Variants in VRK1 observed in about 807,000 individuals in gnomAD.
The protein encoded by VRK1 is VRK serine/threonine kinase 1.
A neutral mutation model predicts 57.1 loss-of-function variants in VRK1; 33 were observed. The ratio of observed to expected loss-of-function variants is 0.58; its 90% CI spans 0.44 to 0.77. The LOEUF is 0.77. Ranked by LOEUF, VRK1 falls within the 30% of genes least tolerant of loss-of-function variation. The pLI is 0.00. For missense variants in VRK1, 413 were observed against 477.3 expected (o/e 0.87, Z 1.25); for synonymous variants, 137 against 147.8 (o/e 0.93, Z 0.53).
intron 7 of VRK1, among the ~76,000 whole-genome samples, chr14:96,855,009 A>C (rs770189460): frequency 1.3e-4 from 20 of 152,246 alleles, no homozygotes; most frequent in Non-Finnish European, 2.5e-4. Context: ...CACTGTAGCT[A>C]TGTGGTCATT....
intron 1 of VRK1, among the ~76,000 whole-genome samples, chr14:96,805,566 G>A (rs950598971): frequency 6.6e-6 from 1 of 151,656 alleles, no homozygotes; most frequent in Non-Finnish European, 1.5e-5. Flanking sequence ...GCTTTCTTTT[G>A]TGCATTTAAA....
intron 1 of VRK1, among the ~76,000 whole-genome samples, chr14:96,818,082 A>G (rs1044723123): frequency 2.0e-5 from 3 of 152,150 alleles, no homozygotes; most frequent in East Asian, 1.9e-4. Flanking sequence ...TCTACCTACT[A>G]TCTCAAAAGT....
intron 10 of VRK1, among the ~76,000 whole-genome samples, chr14:96,857,579 G>A (rs1452572095): frequency 6.6e-6 from 1 of 152,156 alleles, no homozygotes; most frequent in Non-Finnish European, 1.5e-5. Context: ...TTCTGGCATG[G>A]GGATGGACTG....
chr14:96,855,339 A>G lies in VRK1; in HGVS notation c.692A>G (p.Asp231Gly), dbSNP rs757917768. The change falls in exon 8 of 13, where the codon GAT becomes GGT. Residue 231 changes from aspartate (D) to glycine (G), a missense_variant. Around this residue, in one of 3 missense-constraint regions of VRK1, gnomAD observed 151 missense variants for 225.5 expected, o/e 0.67. Coordinates refer to ENST00000216639, the MANE Select transcript of VRK1 (RefSeq NM_003384.3). ...GGCACTATTGAATTCACGAGCATCGATGCACACAATGGCGTGGGTATGTCA... is the reference window on the plus strand; with the variant it reads ...GGCACTATTGAATTCACGAGCATCGGTGCACACAATGGCGTGGGTATGTCA... ...HDGTIEFTSI[D>G]AHNGVAPSRR... 6.2e-7 allele frequency: 1 copy of G among 1,614,100 alleles called. No homozygotes were observed. The highest frequency in any genetic ancestry group is 1.1e-5 in the South Asian group (1 of 91,084).
chr14:96,799,086 G>C (rs553600848), intron 1 of VRK1, among the ~76,000 whole-genome samples: 24 of 152,262 alleles, frequency 1.6e-4, no homozygotes, highest in Middle Eastern at 6.8e-3. Context: ...ATGTCTTCTT[G>C]TTATGTTCAG....
At chr14:96,833,754 C>G in intron 2 of VRK1, 123 bp downstream of exon 2, 1 of 1,405,850 alleles carries the variant, frequency 7.1e-7, no homozygotes, top group Admixed American at 1.8e-5. Flanking sequence ...TTAATAGTTT[C>G]TGATTAAGCA....
At chr14:96,881,117 G>C (rs1889241958) in intron 12 of VRK1, 60 bp from the exon 13 acceptor site, 2 of 1,347,020 alleles carry the variant, frequency 1.5e-6, no homozygotes, top group Non-Finnish European at 2.1e-6. Context: ...TTATATTTCT[G>C]TTCTTTTGCT....
chr14:96,860,826 A>T (rs1284872057), intron 11 of VRK1, 91 bp downstream of exon 11: 5 of 1,408,174 alleles, frequency 3.6e-6, no homozygotes, highest in Non-Finnish European at 4.9e-6. Flanking sequence ...TTCAATGAAG[A>T]ACAATAACAG....
At chr14:96,838,196 T>C (rs550684981) in intron 3 of VRK1, among the ~76,000 whole-genome samples, 1 of 151,644 alleles carries the variant, frequency 6.6e-6, no homozygotes, top group Non-Finnish European at 1.5e-5. Flanking sequence ...CATTTGCTTC[T>C]GGACTTCTAC....
At chr14:96,836,000 T>C (rs1214283410) in intron 2 of VRK1, among the ~76,000 whole-genome samples, 2 of 152,348 alleles carry the variant, frequency 1.3e-5, no homozygotes, top group African/African-American at 4.8e-5. Flanking sequence ...TGCCAGACTT[T>C]TAAAGAGTGG....
intron 1 of VRK1, among the ~76,000 whole-genome samples, chr14:96,820,046 T>TGACCATGAC (rs1886539550): frequency 3.3e-5 from 5 of 152,136 alleles, no homozygotes; most frequent in Admixed American, 3.3e-4. Context: ...CATCAAACAG[T>TGACCATGAC]GACCATGACC....
chr14:96,859,162 G>T (rs928168914), intron 10 of VRK1: 1 of 151,990 alleles, frequency 6.6e-6, no homozygotes, highest in African/African-American at 2.4e-5. Flanking sequence ...TTTTTTGATA[G>T]TTTATTTTCC....
At chr14:96,807,084 A>G (rs1885910223) in intron 1 of VRK1, among the ~76,000 whole-genome samples, 1 of 152,178 alleles carries the variant, frequency 6.6e-6, no homozygotes, top group South Asian at 2.1e-4. Flanking sequence ...GACTGTTGAC[A>G]TTTTACATGG....
chr14:96,873,953 T>C (rs1888927001), intron 11 of VRK1, among the ~76,000 whole-genome samples: 1 of 152,164 alleles, frequency 6.6e-6, no homozygotes. Flanking sequence ...GGTGTTTCTT[T>C]TGTTGGTTGA....
intron 11 of VRK1, among the ~76,000 whole-genome samples, chr14:96,864,012 C>T (rs1265414157): frequency 6.6e-6 from 1 of 152,184 alleles, no homozygotes; most frequent in African/African-American, 2.4e-5. Flanking sequence ...GAAAATCTAT[C>T]TAGCTGTTTT....
Position 96,820,228 on chromosome 14 carries a change from AT to A in VRK1, c.-5-13227del, listed in dbSNP as rs887688400. ...GACAAGATGACACTTGAAAATGATGATTTTTTTTTTTTAATTTTTGCTCAGC... is the reference window on the plus strand; with the variant it reads ...GACAAGATGACACTTGAAAATGATGATTTTTTTTTTTAATTTTTGCTCAGC... On this transcript the variant is annotated intron_variant, in intron 1 of 12. Transcript: ENST00000216639. Among the ~76,000 whole-genome samples, 80 of 146,996 alleles carry A rather than the reference AT, an allele frequency of 5.4e-4. 1 individual carries two copies. Among genetic ancestry groups the A allele is most frequent in the East Asian group, 1.6e-3 (8 of 5,080 alleles).
Position 96,881,174 on chromosome 14 carries a change from A to G in VRK1, c.1160-3A>G. On this transcript the variant is annotated splice_region_variant and splice_polypyrimidine_tract_variant and intron_variant, in intron 12 of 12. Coordinates refer to ENST00000216639, the MANE Select transcript of VRK1 (RefSeq NM_003384.3). ...ATTTCAGTTTCTTTGATTTTTCTTC[A>G]AGGTTCAAGAACCAGAAAGAGAGTC... The G allele has an allele frequency of 6.2e-7, 1 of 1,603,738 alleles. No homozygotes were observed. Among genetic ancestry groups the G allele is most frequent in the Non-Finnish European group, 8.5e-7 (1 of 1,174,602 alleles).
At chr14:96,819,175 T>G (rs1405085410) in intron 1 of VRK1, among the ~76,000 whole-genome samples, 1 of 152,186 alleles carries the variant, frequency 6.6e-6, no homozygotes, top group African/African-American at 2.4e-5. Flanking sequence ...TAATCCCAAA[T>G]AAGTTTGAAA....
intron 5 of VRK1, among the ~76,000 whole-genome samples, chr14:96,852,332 G>A (rs921063918): frequency 3.3e-5 from 5 of 152,066 alleles, no homozygotes; most frequent in African/African-American, 1.2e-4. Context: ...ATCCTTTTAC[G>A]CCATTTAAAC....
Sources: allele counts gnomAD v4.1 joint callset (sites outside exome capture counted in the v4.1 genomes callset), GRCh38; gene constraint gnomAD v4.1.1; regional missense constraint gnomAD v4.1.1; transcripts MANE v1.5; gene names NCBI Gene and HGNC (gene_info 2026-07-23, HGNC 2026-07-21).